The following ERBB4 variants were observed in gnomAD, a reference collection of about 807,000 sequenced individuals.
The protein encoded by ERBB4 is erb-b2 receptor tyrosine kinase 4.
Under a neutral mutation model 158.0 loss-of-function variants are expected in ERBB4, and 42 were observed. The ratio of observed to expected loss-of-function variants is 0.27; its 90% confidence interval spans 0.21 to 0.34. The LOEUF (loss-of-function observed/expected upper bound fraction) is 0.34. ERBB4 is among the 10% of genes least tolerant of loss of function. The pLI, the probability that ERBB4 is intolerant of heterozygous loss-of-function variation, is 1.00. For missense variants in ERBB4, 1,333 were observed against 1,624.1 expected (o/e 0.82, Z 3.08); for synonymous variants, 583 against 558.7 (o/e 1.04, Z -0.61).
chr2:212,425,528 A>G (rs1049331779), intron 1 of ERBB4, among the ~76,000 whole-genome samples: 2 of 151,436 alleles, frequency 1.3e-5, no homozygotes, highest in Non-Finnish European at 3.0e-5. Flanking sequence ...ATAATATCAA[A>G]AAGTCTCCTC....
At chr2:212,135,961 A>G (rs1241262744) in intron 1 of ERBB4, among the ~76,000 whole-genome samples, 1 of 152,202 alleles carries the variant, frequency 6.6e-6, no homozygotes, top group Non-Finnish European at 1.5e-5. Flanking sequence ...GCAAACCTCC[A>G]AGCTGGTAAA....
chr2:211,858,172 G>A (rs898674120), intron 3 of ERBB4, among the ~76,000 whole-genome samples: 4 of 152,284 alleles, frequency 2.6e-5, no homozygotes, highest in Non-Finnish European at 4.4e-5. Flanking sequence ...GAAAGAGATG[G>A]AGACAAGGAG....
chr2:211,405,827 T>C (rs1461178592), intron 25 of ERBB4, among the ~76,000 whole-genome samples: 2 of 152,154 alleles, frequency 1.3e-5, no homozygotes, highest in Admixed American at 6.6e-5. Flanking sequence ...CTAATGACTA[T>C]ATCTACTTAT....
chr2:211,519,268 T>C (rs777462292), intron 20 of ERBB4, among the ~76,000 whole-genome samples: 2 of 152,210 alleles, frequency 1.3e-5, no homozygotes, highest in Non-Finnish European at 2.9e-5. Context: ...AAGGTAATTA[T>C]AGCCCATTAG....
intron 3 of ERBB4, among the ~76,000 whole-genome samples, chr2:211,858,268 A>G (rs2077922264): frequency 6.6e-6 from 1 of 152,202 alleles, no homozygotes; most frequent in Non-Finnish European, 1.5e-5. Flanking sequence ...ACATAGTGAG[A>G]AAAAGCAATG....
intron 1 of ERBB4, among the ~76,000 whole-genome samples, chr2:212,228,086 A>C (rs1417410112): frequency 6.6e-6 from 1 of 152,128 alleles, no homozygotes; most frequent in Non-Finnish European, 1.5e-5. Flanking sequence ...AAAATTATAA[A>C]ATACTCCTTT....
At chr2:212,399,841 T>A (rs1174616803) in intron 1 of ERBB4, among the ~76,000 whole-genome samples, 1 of 151,846 alleles carries the variant, frequency 6.6e-6, no homozygotes, top group Non-Finnish European at 1.5e-5. Flanking sequence ...ATCGTGCCAC[T>A]GCACTCCAGC....
chr2:211,516,987 C>A (rs2066051515), intron 20 of ERBB4, among the ~76,000 whole-genome samples: 1 of 152,272 alleles, frequency 6.6e-6, no homozygotes, highest in African/African-American at 2.4e-5. Context: ...TCTCACTGAG[C>A]TTCTAAAGAA....
intron 3 of ERBB4, among the ~76,000 whole-genome samples, chr2:211,798,219 C>T (rs1005156840): frequency 5.3e-5 from 8 of 152,006 alleles, no homozygotes; most frequent in South Asian, 2.1e-4. Flanking sequence ...ATTAGTTTTG[C>T]CTCTTTATTA....
At chr2:211,995,067 T>C (rs1269142642) in intron 2 of ERBB4, among the ~76,000 whole-genome samples, 2 of 152,188 alleles carry the variant, frequency 1.3e-5, no homozygotes, top group Non-Finnish European at 1.5e-5. Context: ...CAAAAAACCC[T>C]GAGTGGGGAG....
chr2:212,187,777 T>C (rs2082058687), intron 1 of ERBB4, among the ~76,000 whole-genome samples: 1 of 152,112 alleles, frequency 6.6e-6, no homozygotes, highest in Admixed American at 6.6e-5. Flanking sequence ...TAGGAAATAA[T>C]GATGCAAAAT....
At chr2:212,103,129 C>T (rs1036715162) in intron 2 of ERBB4, among the ~76,000 whole-genome samples, 14 of 152,248 alleles carry the variant, frequency 9.2e-5, no homozygotes, top group African/African-American at 3.1e-4. Flanking sequence ...CTTAGCCACA[C>T]TGAATACTCC....
chr2:212,083,636 T>TC (rs1360945833), intron 2 of ERBB4, among the ~76,000 whole-genome samples: 7 of 149,260 alleles, frequency 4.7e-5, no homozygotes, highest in African/African-American at 1.7e-4. Flanking sequence ...TTACCACCCC[T>TC]CCCCCCCAAA....
chr2:211,535,589 A>ATG (rs10636668), intron 20 of ERBB4: 3,592 of 144,836 alleles, frequency 0.025, 98 homozygotes, highest in African/African-American at 0.058. Context: ...GAGAGAGTGT[A>ATG]TGTGTGTGTG....
intron 3 of ERBB4, among the ~76,000 whole-genome samples, chr2:211,945,588 T>C (rs1024291242): frequency 6.6e-6 from 1 of 152,088 alleles, no homozygotes; most frequent in African/African-American, 2.4e-5. Flanking sequence ...GCAAAGTGAA[T>C]AATAATATTC....
At chr2:212,134,566 C>G (rs75164847) in intron 1 of ERBB4, among the ~76,000 whole-genome samples, 11,528 of 151,298 alleles carry the variant, frequency 0.076, 872 homozygotes, top group African/African-American at 0.2. Context: ...AAATTGGTAT[C>G]CTTTTAAAAA....
At chr2:212,366,273 G>T (rs2089886411) in intron 1 of ERBB4, among the ~76,000 whole-genome samples, 1 of 151,948 alleles carries the variant, frequency 6.6e-6, no homozygotes, top group Admixed American at 6.6e-5. Flanking sequence ...AGTTTTCACT[G>T]TGTGGCCTGG....
chr2:211,577,502 C>A (rs2125759873), intron 19 of ERBB4, among the ~76,000 whole-genome samples: 1 of 151,844 alleles, frequency 6.6e-6, no homozygotes, highest in African/African-American at 2.4e-5. Flanking sequence ...GGCAGAGATA[C>A]AACAAAAAAA....
At chr2:212,510,232 T>A (rs1038644266) in intron 1 of ERBB4, among the ~76,000 whole-genome samples, 1 of 144,508 alleles carries the variant, frequency 6.9e-6, no homozygotes, top group African/African-American at 2.5e-5. Flanking sequence ...TATATATATA[T>A]AACTACTCCC....
Sources: gnomAD v4.1 joint callset for allele counts (sites outside exome capture counted in the v4.1 genomes callset) on GRCh38, gnomAD v4.1.1 for gene constraint, MANE v1.5 for transcripts, NCBI Gene and HGNC (gene_info 2026-07-23, HGNC 2026-07-21) for gene names.